The following CNTNAP4 variants were observed in gnomAD, a reference collection of about 807,000 sequenced individuals.
The protein encoded by CNTNAP4 is contactin-associated protein-like 4.
CNTNAP4 carries 98 observed loss-of-function variants against 148.4 expected under a neutral mutation model. The ratio of observed to expected loss-of-function variants is 0.66; its 90% confidence interval spans 0.56 to 0.78. The LOEUF is 0.78. Ranked by LOEUF, CNTNAP4 falls within the 30% of genes least tolerant of loss-of-function variation. The pLI, the probability that CNTNAP4 is intolerant of heterozygous loss-of-function variation, is 0.00. For missense variants in CNTNAP4, 1,935 were observed against 1,565.6 expected, an observed-to-expected ratio of 1.24 and a Z score of -3.98; for synonymous variants, 730 against 565.1, an observed-to-expected ratio of 1.29 and a Z score of -4.14.
chr16:76,332,381 C>G (rs948478117), intron 2 of CNTNAP4, among the ~76,000 whole-genome samples: 2 of 152,070 alleles, frequency 1.3e-5, no homozygotes, highest in African/African-American at 4.8e-5. Flanking sequence ...CTGCCTTAGT[C>G]TCCTGAGTAG....
chr16:76,548,389 A>G (rs2084826869), intron 21 of CNTNAP4, among the ~76,000 whole-genome samples: 1 of 146,196 alleles, frequency 6.8e-6, no homozygotes, highest in Admixed American at 7.1e-5. Flanking sequence ...CATAGGTAGG[A>G]CATATAAAGT....
Position 76,452,566 on chromosome 16 carries a change from C to T in CNTNAP4, c.1130C>T (p.Ser377Phe). The T allele has an allele frequency of 6.2e-7, 1 of 1,613,976 alleles. No homozygotes were observed. Among genetic ancestry groups the T allele is most frequent in the Non-Finnish European group, 8.5e-7 (1 of 1,179,884 alleles). Residue 377 changes from serine (S) to phenylalanine (F), a missense_variant, in exon 8 of 24, where the codon TCC becomes TTC. By Grantham distance (155) the Ser-to-Phe change is radical. Coordinates refer to ENST00000611870, the MANE Select transcript of CNTNAP4 (RefSeq NM_033401.5). ...TCTATGCCCGTGACTTTTCTGAGCT[C>T]CAGGAGTTATTTAGCACTGCCAGAC... The part of the protein sequence containing the change: ...PQSMPVTFLS[S>F]RSYLALPDFS...
chr16:76,450,720 A>C (rs964134335), intron 7 of CNTNAP4, among the ~76,000 whole-genome samples: 2 of 152,240 alleles, frequency 1.3e-5, no homozygotes, highest in African/African-American at 4.8e-5. Flanking sequence ...CCAAATGGCA[A>C]TGTTGGTCAG....
chr16:76,483,005 G>C (rs2340272), intron 12 of CNTNAP4, among the ~76,000 whole-genome samples: 64,332 of 151,934 alleles, frequency 0.42, 13,623 homozygotes, highest in Admixed American at 0.44. Flanking sequence ...CTTTACAAGT[G>C]TAAGATATGA....
chr16:76,307,883 G>C (rs1960665895), intron 1 of CNTNAP4, among the ~76,000 whole-genome samples: 1 of 152,066 alleles, frequency 6.6e-6, no homozygotes, highest in South Asian at 2.1e-4. Context: ...TTCAAACTCA[G>C]GCTATAACTT....
intron 3 of CNTNAP4, among the ~76,000 whole-genome samples, chr16:76,393,838 G>A (rs768283310): frequency 2.0e-4 from 31 of 152,138 alleles, no homozygotes; most frequent in Non-Finnish European, 4.0e-4. Context: ...AGAACTGTTG[G>A]ATCTACCAAG....
intron 3 of CNTNAP4, among the ~76,000 whole-genome samples, chr16:76,391,591 T>C (rs777208148): frequency 1.3e-5 from 2 of 152,190 alleles, no homozygotes; most frequent in Non-Finnish European, 2.9e-5. Flanking sequence ...TCAGACTCAC[T>C]TAAGAGCTTG....
chr16:76,421,705 A>G (rs2079196540), intron 3 of CNTNAP4, among the ~76,000 whole-genome samples: 1 of 152,162 alleles, frequency 6.6e-6, no homozygotes, highest in Admixed American at 6.6e-5. Flanking sequence ...CTATGTCAAA[A>G]TGAATTGTAC....
Position 76,462,097 on chromosome 16 carries a change from A to C in CNTNAP4, c.1475A>C (p.Tyr492Ser). Reference protein sequence around the residue: ...PEQIYSGGTYYFGGCPDKSFG... With the variant: ...PEQIYSGGTYSFGGCPDKSFG... ...CAGATTTATTCGGGTGGCACCTATTATTTTGGAGGTAAGAATAGGTGCCAG... is the reference window on the plus strand; with the variant it reads ...CAGATTTATTCGGGTGGCACCTATTCTTTTGGAGGTAAGAATAGGTGCCAG... Residue 492 changes from tyrosine to serine, a missense_variant, in exon 9 of 24, where the codon TAT becomes TCT. Transcript: ENST00000611870. 1 of 1,613,052 alleles carries C rather than the reference A, an allele frequency of 6.2e-7. No individual in the cohort carries two copies. Among genetic ancestry groups the C allele is most frequent in the Non-Finnish European group, 8.5e-7 (1 of 1,179,478 alleles).
intron 3 of CNTNAP4, among the ~76,000 whole-genome samples, chr16:76,376,373 G>T (rs1567915432): frequency 6.6e-6 from 1 of 152,130 alleles, no homozygotes; most frequent in Non-Finnish European, 1.5e-5. Flanking sequence ...CTAACATAAA[G>T]GCCATTCGAG....
chr16:76,364,126 A>G (rs1406940644), intron 3 of CNTNAP4, among the ~76,000 whole-genome samples: 2 of 147,200 alleles, frequency 1.4e-5, no homozygotes, highest in Non-Finnish European at 3.0e-5. Context: ...AATCCCAGCT[A>G]CTCTGGAGGT....
At chr16:76,347,491 A>C (rs1648119592) in intron 2 of CNTNAP4, among the ~76,000 whole-genome samples, 1 of 147,802 alleles carries the variant, frequency 6.8e-6, no homozygotes, top group Non-Finnish European at 1.5e-5. Context: ...CTACATAAAA[A>C]TCATATGCTA....
intron 4 of CNTNAP4, among the ~76,000 whole-genome samples, chr16:76,447,605 C>G (rs936279175): frequency 2.0e-5 from 3 of 152,082 alleles, no homozygotes; most frequent in Non-Finnish European, 4.4e-5. Flanking sequence ...AATATGCATT[C>G]AGTAGAAACC....
intron 17 of CNTNAP4, among the ~76,000 whole-genome samples, chr16:76,522,980 G>A (rs1246360053): frequency 5.3e-5 from 8 of 151,792 alleles, no homozygotes; most frequent in Non-Finnish European, 1.2e-4. Flanking sequence ...GGCCAGGCTG[G>A]TCTTGAACTC....
intron 1 of CNTNAP4, among the ~76,000 whole-genome samples, chr16:76,301,631 C>T (rs1199901889): frequency 6.6e-6 from 1 of 152,148 alleles, no homozygotes; most frequent in Non-Finnish European, 1.5e-5. Context: ...TTTTTACTGG[C>T]GTGGTCCAGG....
intron 1 of CNTNAP4, among the ~76,000 whole-genome samples, chr16:76,284,755 G>T (rs776665508): frequency 2.6e-5 from 4 of 152,046 alleles, no homozygotes; most frequent in Non-Finnish European, 5.9e-5. Flanking sequence ...AATTAAATAT[G>T]CATGCCTGTA....
At chr16:76,391,526 G>C (rs2016993091) in intron 3 of CNTNAP4, among the ~76,000 whole-genome samples, 1 of 152,154 alleles carries the variant, frequency 6.6e-6, no homozygotes, top group African/African-American at 2.4e-5. Context: ...GGCATTTTAT[G>C]CTCAACCAGG....
At chr16:76,519,414 AAAAT>A (rs1384471767) in intron 15 of CNTNAP4, among the ~76,000 whole-genome samples, 2 of 152,202 alleles carry the variant, frequency 1.3e-5, no homozygotes, top group Non-Finnish European at 2.9e-5. Context: ...TAATATGAAA[AAAAT>A]AAATGTTATG....
In CNTNAP4 at chr16:76,535,804, C is replaced by T; in HGVS notation, c.2995+20C>T. 4 of 1,598,190 alleles carry T rather than the reference C, an allele frequency of 2.5e-6. No individual in the cohort carries two copies. The highest frequency in any genetic ancestry group is 3.4e-6 in the Non-Finnish European group (4 of 1,168,686). On this transcript the variant is annotated intron_variant, in intron 18 of 23. Coordinates refer to ENST00000611870, the MANE Select transcript of CNTNAP4 (RefSeq NM_033401.5). ...CAAATGGTAAGTGTGGCATGGAAGA[C>T]TGTAAGAGGAAAATTTATTCAATGT...
Sources: allele counts gnomAD v4.1 joint callset (sites outside exome capture counted in the v4.1 genomes callset), GRCh38; gene constraint gnomAD v4.1.1; transcripts MANE v1.5; gene names NCBI Gene and HGNC (gene_info 2026-07-23, HGNC 2026-07-21).